Variants in HMGA2 observed in about 807,000 individuals in gnomAD.
HMGA2 encodes the protein high mobility group AT-hook 2.
A neutral mutation model predicts 19.1 loss-of-function variants in HMGA2; 8 were observed. The ratio of observed to expected loss-of-function variants is 0.42; its 90% CI spans 0.25 to 0.76. The LOEUF (loss-of-function observed/expected upper bound fraction) is 0.76. HMGA2 is among the 30% of genes least tolerant of loss of function. HMGA2 has a pLI of 0.28. For missense variants in HMGA2, 109 were observed against 136.3 expected, an observed-to-expected ratio of 0.80 and a Z score of 1.00; for synonymous variants, 60 against 48.8, an observed-to-expected ratio of 1.23 and a Z score of -0.96.
chr12:65,842,289 G>C, intron 3 of HMGA2: 1 of 583,340 alleles, frequency 1.7e-6, no homozygotes, highest in Non-Finnish European at 3.2e-6. Flanking sequence ...GATTAAATGA[G>C]ATAATGCATG....
intron 2 of HMGA2, among the ~76,000 whole-genome samples, chr12:65,833,413 GTT>G (rs11327522): frequency 7.7e-4 from 111 of 143,350 alleles, no homozygotes; most frequent in African/African-American, 2.6e-3. Flanking sequence ...TATTTTTCTA[GTT>G]TTTTTTTTTT....
intron 3 of HMGA2, among the ~76,000 whole-genome samples, chr12:65,844,050 CA>C (rs3048828): frequency 0.28 from 22,453 of 79,394 alleles, 1,689 homozygotes; most frequent in South Asian, 0.43. Context: ...GACTCCATCT[CA>C]AAAAAAAAAA....
intron 3 of HMGA2, chr12:65,915,255 T>C: frequency 1.3e-6 from 2 of 1,541,166 alleles, no homozygotes; most frequent in Non-Finnish European, 1.7e-6. Context: ...GTCTTTTAGA[T>C]CATTTCAAAA....
chr12:65,877,595 C>T (rs985782188), intron 3 of HMGA2, among the ~76,000 whole-genome samples: 15 of 152,290 alleles, frequency 9.8e-5, no homozygotes, highest in African/African-American at 3.6e-4. Context: ...GCTGACCTTT[C>T]CCCTTTAATG....
chr12:65,942,061 G>A (rs1876108196), intron 3 of HMGA2, among the ~76,000 whole-genome samples: 1 of 152,194 alleles, frequency 6.6e-6, no homozygotes, highest in African/African-American at 2.4e-5. Context: ...AACGTGATTG[G>A]AGTATTAACA....
At chr12:65,863,119 C>T (rs965282822) in intron 3 of HMGA2, among the ~76,000 whole-genome samples, 8 of 152,202 alleles carry the variant, frequency 5.3e-5, no homozygotes, top group African/African-American at 1.9e-4. Context: ...ACTATCAGCA[C>T]TTAAGTAGAG....
chr12:65,857,568 C>T (rs1871805828), intron 3 of HMGA2: 1 of 152,178 alleles, frequency 6.6e-6, no homozygotes, highest in Admixed American at 6.5e-5. Flanking sequence ...CAAATGTATT[C>T]ATTCCCCCAG....
chr12:65,940,028 A>G (rs1876038922), intron 3 of HMGA2, among the ~76,000 whole-genome samples: 1 of 152,236 alleles, frequency 6.6e-6, no homozygotes, highest in African/African-American at 2.4e-5. Flanking sequence ...CTGTGCCTGT[A>G]TATTTTCTAT....
At chr12:65,882,875 A>T (rs901360718) in intron 3 of HMGA2, among the ~76,000 whole-genome samples, 4 of 152,230 alleles carry the variant, frequency 2.6e-5, no homozygotes, top group Non-Finnish European at 4.4e-5. Context: ...TGCTTTTCAC[A>T]AGGAGGGGTA....
At chr12:65,940,666 T>G (rs942224805) in intron 3 of HMGA2, among the ~76,000 whole-genome samples, 1 of 152,180 alleles carries the variant, frequency 6.6e-6, no homozygotes, top group African/African-American at 2.4e-5. Context: ...CCAAAATACT[T>G]TTCTGGGGCA....
chr12:65,824,748 TCTC>T lies in HMGA2; in HGVS notation c.-522_-520del, dbSNP rs1230444769. 1.4e-3 allele frequency: 320 copies of T among 228,228 alleles called. 1 individual carries two copies. Among genetic ancestry groups the T allele is most frequent in the Non-Finnish European group, 2.3e-3 (274 of 117,972 alleles). The allele number at this position is 228,228 out of a possible 1,614,324, so 14.1% of individuals were successfully genotyped here. On this transcript the variant is annotated 5_prime_UTR_variant, in exon 1 of 5. Coordinates refer to ENST00000403681, the MANE Select transcript of HMGA2 (RefSeq NM_003483.6). Reference sequence around the variant, plus strand: ...CTCTCTCTCTCTCTCTCTCTCTCTCTCTCTCTCTCTCTCTCTCTCTCGCAGGGT... The same window carrying T: ...CTCTCTCTCTCTCTCTCTCTCTCTCTTCTCTCTCTCTCTCTCTCGCAGGGT...
intron 3 of HMGA2, among the ~76,000 whole-genome samples, chr12:65,905,411 G>C (rs536702798): frequency 1.3e-5 from 2 of 151,996 alleles, no homozygotes; most frequent in South Asian, 4.2e-4. Context: ...TTGAAACCAA[G>C]CTCTCTTCCA....
intron 3 of HMGA2, among the ~76,000 whole-genome samples, chr12:65,925,724 A>C (rs1208065465): frequency 6.6e-6 from 1 of 152,220 alleles, no homozygotes; most frequent in Non-Finnish European, 1.5e-5. Context: ...AGTCATGTCA[A>C]GCGATCATTA....
chr12:65,860,194 A>G (rs537002373), intron 3 of HMGA2: 3 of 276,134 alleles, frequency 1.1e-5, no homozygotes, highest in African/African-American at 6.5e-5. Flanking sequence ...TGCTCAGAAC[A>G]GTTACACTGC....
Position 65,964,437 on chromosome 12 carries a change from G to A in HMGA2, c.*1145G>A, listed in dbSNP as rs537064335. ...GCATATGTGTTACTTCAAGTAATAC[G>A]TTTTGACATAAGATGGTTGACCAAG... On this transcript the variant is annotated 3_prime_UTR_variant, in exon 5 of 5. Coordinates refer to ENST00000403681, the MANE Select transcript of HMGA2 (RefSeq NM_003483.6). 5.4e-5 allele frequency: 12 copies of A among 221,182 alleles called. No individual in the cohort carries two copies. In the South Asian group the frequency reaches 2.0e-3, roughly 38 times the overall value. The allele number at this position is 221,182 out of a possible 1,614,324, so 13.7% of individuals were successfully genotyped here.
At chr12:65,903,505 C>A (rs926686716) in intron 3 of HMGA2, among the ~76,000 whole-genome samples, 1 of 152,126 alleles carries the variant, frequency 6.6e-6, no homozygotes, top group Non-Finnish European at 1.5e-5. Context: ...AGACTGTAGT[C>A]ACAAGAGCAG....
At chr12:65,906,187 T>C (rs1338147177) in intron 3 of HMGA2, among the ~76,000 whole-genome samples, 1 of 152,152 alleles carries the variant, frequency 6.6e-6, no homozygotes, top group Non-Finnish European at 1.5e-5. Flanking sequence ...GTTTTTATAG[T>C]GCGTGAACTT....
At chr12:65,941,643 C>A (rs564539327) in intron 3 of HMGA2, among the ~76,000 whole-genome samples, 2 of 152,198 alleles carry the variant, frequency 1.3e-5, no homozygotes, top group Non-Finnish European at 2.9e-5. Flanking sequence ...AATGTACTGA[C>A]TCTTTCCTTA....
At chr12:65,864,784 T>A (rs1464042464) in intron 3 of HMGA2, among the ~76,000 whole-genome samples, 1 of 152,170 alleles carries the variant, frequency 6.6e-6, no homozygotes, top group Admixed American at 6.5e-5. Flanking sequence ...GGCCTACATT[T>A]TTTAGATTAT....
Sources: gnomAD v4.1 joint callset for allele counts (sites outside exome capture counted in the v4.1 genomes callset) on GRCh38, gnomAD v4.1.1 for gene constraint, MANE v1.5 for transcripts, NCBI Gene and HGNC (gene_info 2026-07-23, HGNC 2026-07-21) for gene names.